Variants in RGS5 observed in about 807,000 individuals in gnomAD.
RGS5 encodes the protein regulator of G-protein signalling 5.
RGS5 carries 20 observed loss-of-function variants against 18.9 expected under a neutral mutation model. The observed-to-expected ratio is 1.06, with a 90% CI of 0.74 to 1.54. The LOEUF (loss-of-function observed/expected upper bound fraction) is 1.54, where lower values mean the gene tolerates loss of function less well. RGS5 is among the 40% of genes most tolerant of loss of function. The probability of loss-of-function intolerance (pLI) is 0.00; values close to 1 mark genes in which losing one functional copy is unlikely to be tolerated. For missense variants in RGS5, 201 were observed against 211.8 expected, an observed-to-expected ratio of 0.95 and a Z score of 0.32; for synonymous variants, 57 against 76.2, an observed-to-expected ratio of 0.75 and a Z score of 1.31.
At chr1:163,211,287 A>T (rs1571295075) in intron 1 of RGS5, 1 of 152,194 alleles carries the variant, frequency 6.6e-6, no homozygotes, top group African/African-American at 2.4e-5. Flanking sequence ...ATTATGTTTA[A>T]TAGGAGAATG....
At chr1:163,231,823 A>G (rs1647489685) in intron 2 of RGS5, among the ~76,000 whole-genome samples, 1 of 151,734 alleles carries the variant, frequency 6.6e-6, no homozygotes, top group African/African-American at 2.4e-5. Flanking sequence ...ACTTCATTCA[A>G]AGCAATAGGG....
intron 4 of RGS5, among the ~76,000 whole-genome samples, chr1:163,151,754 C>T (rs529082926): frequency 1.9e-4 from 29 of 152,256 alleles, no homozygotes; most frequent in South Asian, 1.2e-3. Flanking sequence ...AAACCTCTTT[C>T]CTTTATAAAT....
At chr1:163,172,510 T>C (rs1658348761) in intron 1 of RGS5, 7 of 1,539,422 alleles carry the variant, frequency 4.5e-6, no homozygotes, top group African/African-American at 1.4e-5. Flanking sequence ...ATTTATAACA[T>C]TGCCAAGAGA....
chr1:163,248,301 T>C (rs1373089798), intron 2 of RGS5: 1 of 152,136 alleles, frequency 6.6e-6, no homozygotes, highest in Admixed American at 6.5e-5. Flanking sequence ...ACTCCTGTTG[T>C]TTATCTTTGC....
chr1:163,152,071 G>A (rs1480649092), intron 4 of RGS5, among the ~76,000 whole-genome samples: 1 of 152,070 alleles, frequency 6.6e-6, no homozygotes, highest in Admixed American at 6.6e-5. Flanking sequence ...TATCACAAGA[G>A]GTCAGTGGAA....
intron 3 of RGS5, among the ~76,000 whole-genome samples, chr1:163,160,388 A>G (rs1219445225): frequency 2.0e-5 from 3 of 152,214 alleles, no homozygotes; most frequent in Non-Finnish European, 2.9e-5. Context: ...AAACATAAAT[A>G]TTATTCTACT....
chr1:163,247,654 G>T (rs1453303516), intron 2 of RGS5, among the ~76,000 whole-genome samples: 2 of 150,632 alleles, frequency 1.3e-5, no homozygotes, highest in African/African-American at 2.4e-5. Context: ...TAACCTTTTT[G>T]ATATATAATT....
At chr1:163,309,608 T>C (rs1649799472) in intron 1 of RGS5, among the ~76,000 whole-genome samples, 1 of 152,194 alleles carries the variant, frequency 6.6e-6, no homozygotes, top group Non-Finnish European at 1.5e-5. Context: ...TCTAGTTCTC[T>C]TGCTATTTCC....
At chr1:163,233,351 A>G (rs1267063130) in intron 2 of RGS5, among the ~76,000 whole-genome samples, 1 of 152,242 alleles carries the variant, frequency 6.6e-6, no homozygotes, top group Non-Finnish European at 1.5e-5. Context: ...CTGTAATAAA[A>G]GATGTTTTAA....
intron 1 of RGS5, chr1:163,212,055 A>T (rs1660118733): frequency 6.6e-6 from 1 of 152,234 alleles, no homozygotes. Context: ...TTTCCACAAA[A>T]TAAGAAACAT....
intron 2 of RGS5, among the ~76,000 whole-genome samples, chr1:163,273,221 G>A (rs1648766357): frequency 1.3e-5 from 2 of 152,070 alleles, no homozygotes; most frequent in Admixed American, 6.6e-5. Context: ...CTCTTTGGGT[G>A]GAGCGTTCTA....
At chr1:163,282,775 A>G (rs1244517428) in intron 2 of RGS5, among the ~76,000 whole-genome samples, 2 of 152,146 alleles carry the variant, frequency 1.3e-5, no homozygotes, top group Non-Finnish European at 2.9e-5. Flanking sequence ...CTACTACTAG[A>G]TGACTGGGTA....
chr1:163,189,087 C>T (rs1659232620), intron 1 of RGS5, among the ~76,000 whole-genome samples: 1 of 152,058 alleles, frequency 6.6e-6, no homozygotes. Flanking sequence ...GAGTGCAGGC[C>T]ACGTGGGACT....
At chr1:163,282,220 ACAACT>A (rs140543062) in intron 2 of RGS5, among the ~76,000 whole-genome samples, 3,209 of 152,284 alleles carry the variant, frequency 0.021, 47 homozygotes, top group South Asian at 0.051. Flanking sequence ...GAATATACGA[ACAACT>A]CAACTCAACA....
chr1:163,309,487 T>C lies in RGS5; in HGVS notation c.-377-3158A>G, dbSNP rs561715481. Among the ~76,000 whole-genome samples the C allele has an allele frequency of 2.5e-5, 3 of 122,284 alleles. No individual in the cohort carries two copies. The East Asian group carries it at 6.1e-4, about 25-fold the overall frequency. The allele number at this position is 122,284 out of a possible 152,430, so 80.2% of individuals were successfully genotyped here. ...GAATCTTTACCAGCAATAGATTCCA[T>C]CTAAGGAAACCTTTTTTTTTTTCTT... On this transcript the variant is annotated intron_variant, in intron 1 of 5. Coordinates refer to the RGS5 transcript ENST00000618415.
At chr1:163,265,107 T>C (rs1019146222) in intron 2 of RGS5, among the ~76,000 whole-genome samples, 3 of 152,170 alleles carry the variant, frequency 2.0e-5, no homozygotes, top group Non-Finnish European at 4.4e-5. Flanking sequence ...TCACCATCAC[T>C]GCTTCAGTGT....
At chr1:163,234,957 T>C (rs1647585070) in intron 2 of RGS5, among the ~76,000 whole-genome samples, 1 of 152,186 alleles carries the variant, frequency 6.6e-6, no homozygotes, top group Non-Finnish European at 1.5e-5. Context: ...CTACAAGATA[T>C]CACTGTGCCA....
intron 2 of RGS5, among the ~76,000 whole-genome samples, chr1:163,291,637 T>G (rs760624530): frequency 6.6e-6 from 1 of 152,180 alleles, no homozygotes; most frequent in African/African-American, 2.4e-5. Context: ...TGACAACCGA[T>G]AGTTCCATCT....
At chr1:163,162,820 A>G (rs1657862861) in intron 2 of RGS5, 1 of 151,646 alleles carries the variant, frequency 6.6e-6, no homozygotes, top group African/African-American at 2.4e-5. Flanking sequence ...ATTGTCCGGG[A>G]AAAATGGCTG....
Sources: allele counts gnomAD v4.1 joint callset (sites outside exome capture counted in the v4.1 genomes callset), GRCh38; gene constraint gnomAD v4.1.1; transcripts MANE v1.5; gene names NCBI Gene and HGNC (gene_info 2026-07-23, HGNC 2026-07-21).